The following JAK2 variants were observed in gnomAD, a reference collection of about 807,000 sequenced individuals.
JAK2 encodes Janus kinase 2.
In JAK2, 86 loss-of-function variants were observed where a neutral mutation model predicts 139.3. The observed-to-expected ratio is 0.62, with a 90% confidence interval of 0.52 to 0.74. The LOEUF is 0.74. Among genes scored for constraint, JAK2 ranks in the 30% least tolerant of loss-of-function variants. The pLI is 0.00. For missense variants in JAK2, 1,421 were observed against 1,360.3 expected (o/e 1.04, Z -0.70); for synonymous variants, 490 against 437.7 (o/e 1.12, Z -1.49).
At chr9:5,120,570 A>C (rs1007371153) in intron 22 of JAK2, among the ~76,000 whole-genome samples, 3 of 152,160 alleles carry the variant, frequency 2.0e-5, no homozygotes, top group African/African-American at 7.2e-5. Context: ...TGTTGTAAAA[A>C]ATCGGTGAAA....
At chr9:5,120,825 T>C (rs1482966375) in intron 22 of JAK2, among the ~76,000 whole-genome samples, 1 of 152,172 alleles carries the variant, frequency 6.6e-6, no homozygotes, top group East Asian at 1.9e-4. Context: ...AATTAAGATT[T>C]TCAAATTGAG....
At chr9:5,116,609 G>T (rs1456167096) in intron 22 of JAK2, among the ~76,000 whole-genome samples, 5 of 152,148 alleles carry the variant, frequency 3.3e-5, no homozygotes, top group African/African-American at 1.2e-4. Context: ...AAGATTCAGA[G>T]ATTTGGTTAT....
intron 22 of JAK2, chr9:5,108,518 T>C (rs1822159909): frequency 6.6e-6 from 1 of 152,096 alleles, no homozygotes; most frequent in Admixed American, 6.5e-5. Flanking sequence ...GACTAGCATG[T>C]ATTATGGCCT....
chr9:5,011,290 A>T (rs1372941541), intron 2 of JAK2, among the ~76,000 whole-genome samples: 1 of 152,112 alleles, frequency 6.6e-6, no homozygotes, highest in Non-Finnish European at 1.5e-5. Flanking sequence ...AGCGCAAGTA[A>T]TCCTCCTACC....
chr9:5,001,585 T>C (rs1243971720), intron 2 of JAK2, among the ~76,000 whole-genome samples: 2 of 152,066 alleles, frequency 1.3e-5, no homozygotes, highest in Non-Finnish European at 2.9e-5. Flanking sequence ...GGTTCTATGT[T>C]CTATTATTTT....
intron 4 of JAK2, among the ~76,000 whole-genome samples, chr9:5,035,279 T>C (rs1823495237): frequency 6.6e-6 from 1 of 152,320 alleles, no homozygotes; most frequent in East Asian, 1.9e-4. Context: ...ACCAGATGGA[T>C]TCACAGCTGA....
At chr9:5,004,828 A>G (rs1821171227) in intron 2 of JAK2, among the ~76,000 whole-genome samples, 1 of 151,890 alleles carries the variant, frequency 6.6e-6, no homozygotes. Flanking sequence ...TCATTGTAAC[A>G]GGCATGAGGT....
At chr9:5,009,742 C>A (rs903749233) in intron 2 of JAK2, among the ~76,000 whole-genome samples, 1 of 151,708 alleles carries the variant, frequency 6.6e-6, no homozygotes, top group Non-Finnish European at 1.5e-5. Context: ...CTTATAGATG[C>A]CTTCCTCTGT....
At chr9:4,992,015 A>G (rs2129726713) in intron 2 of JAK2, among the ~76,000 whole-genome samples, 1 of 152,284 alleles carries the variant, frequency 6.6e-6, no homozygotes, top group Non-Finnish European at 1.5e-5. Flanking sequence ...GCTCACAGAT[A>G]CCATGGGTCA....
Position 5,078,427 on chromosome 9 carries a change from CA to C in JAK2, c.2115del (p.Val706PhefsTer25). The stretch of plus-strand genomic sequence containing the variant: ...CTTAGTGATCCTGGCATTAGTATTA[CA>C]GTTTTGCCAAAGGACAGTAAGTTCT... ...IKLSDPGISITVLPKDILQER... is the reference protein window; with the variant it reads ...IKLSDPGISIXVLPKDILQER... On this transcript the variant is annotated frameshift_variant, in exon 16 of 25. Transcript: ENST00000381652. LOFTEE classifies it high-confidence loss of function. 6.2e-7 allele frequency: 1 copy of C among 1,612,468 alleles called. No homozygotes were observed. Among genetic ancestry groups the C allele is most frequent in the Non-Finnish European group, 8.5e-7 (1 of 1,178,980 alleles).
chr9:5,004,154 C>A (rs1821112724), intron 2 of JAK2, among the ~76,000 whole-genome samples: 1 of 152,092 alleles, frequency 6.6e-6, no homozygotes, highest in African/African-American at 2.4e-5. Flanking sequence ...CACTTAAAAT[C>A]TACTCTTAGC....
intron 2 of JAK2, among the ~76,000 whole-genome samples, chr9:5,015,945 T>G (rs1822029973): frequency 6.6e-6 from 1 of 152,148 alleles, no homozygotes; most frequent in South Asian, 2.1e-4. Flanking sequence ...TACATATATA[T>G]AGATTATAAG....
At chr9:5,094,571 A>C (rs935346031) in intron 22 of JAK2, 2 of 152,108 alleles carry the variant, frequency 1.3e-5, no homozygotes, top group Non-Finnish European at 2.9e-5. Flanking sequence ...CATGCATCAC[A>C]ATGCCAGAAT....
At chr9:5,030,700 A>G (rs2130162413) in intron 4 of JAK2, among the ~76,000 whole-genome samples, 1 of 152,132 alleles carries the variant, frequency 6.6e-6, no homozygotes, top group African/African-American at 2.4e-5. Context: ...TGTATATATA[A>G]TATTTATTAT....
Position 5,055,721 on chromosome 9 carries a change from A to C in JAK2, c.989A>C (p.Gln330Pro). Residue 330 changes from glutamine (Q) to proline (P), a missense_variant, in exon 8 of 25, where the codon CAA becomes CCA. Transcript: ENST00000381652. ...AATATTATTGATGTCAGTATTAAGC[A>C]AGCAAACCAAGAGGGTTCAAATGAA... The part of the protein sequence containing the change: ...FPNIIDVSIK[Q>P]ANQEGSNESR... 1.2e-6 allele frequency: 2 copies of C among 1,603,802 alleles called. No homozygotes were observed. The highest frequency in any genetic ancestry group is 1.7e-6 in the Non-Finnish European group (2 of 1,171,400).
rs147587730 is a variant in JAK2, at chr9:5,021,001, G to T, written c.-25-962G>T. Among the ~76,000 whole-genome samples the T allele has an allele frequency of 5.3e-4, 80 of 152,252 alleles. 1 individual carries two copies. The highest frequency in any genetic ancestry group is 1.8e-3 in the African/African-American group (76 of 41,546). The stretch of plus-strand genomic sequence containing the variant: ...AATGTCATTGTGCAGTCTCCAGGCA[G>T]CTCCCTATGTTACTCCCAGGGCCCA... On this transcript the variant is annotated intron_variant, in intron 2 of 24. Transcript: ENST00000381652.
chr9:5,050,580 C>G, intron 5 of JAK2, 106 bp from the exon 6 acceptor site: 1 of 1,202,456 alleles, frequency 8.3e-7, no homozygotes, highest in Non-Finnish European at 1.2e-6. Flanking sequence ...CAATTTGTAT[C>G]TTGTAAATGC....
chr9:5,050,968 C>G (rs1453264099), intron 6 of JAK2, 137 bp downstream of exon 6: 2 of 774,284 alleles, frequency 2.6e-6, no homozygotes, highest in African/African-American at 3.6e-5. Flanking sequence ...TGCTTGGAAT[C>G]AGAAATGCTT....
intron 2 of JAK2, among the ~76,000 whole-genome samples, chr9:5,002,490 A>T (rs1355142383): frequency 6.6e-6 from 1 of 152,030 alleles, no homozygotes; most frequent in Non-Finnish European, 1.5e-5. Flanking sequence ...ATGGCCAAGA[A>T]TATAATTCAT....
Sources: allele counts gnomAD v4.1 joint callset (sites outside exome capture counted in the v4.1 genomes callset), GRCh38; gene constraint gnomAD v4.1.1; transcripts MANE v1.5; gene names NCBI Gene and HGNC (gene_info 2026-07-23, HGNC 2026-07-21).